DLGAP1: variants seen among roughly 807,000 people sequenced by gnomAD.
The protein encoded by DLGAP1 is DLG associated protein 1.
A neutral mutation model predicts 90.8 loss-of-function variants in DLGAP1; 11 were observed. The observed-to-expected ratio is 0.12, with a 90% CI of 0.08 to 0.20. The LOEUF (loss-of-function observed/expected upper bound fraction) is 0.20. DLGAP1 is among the 10% of genes least tolerant of loss of function. The probability of loss-of-function intolerance (pLI) is 1.00; values close to 1 mark genes in which losing one functional copy is unlikely to be tolerated. For synonymous variants in DLGAP1, 558 were observed against 540.7 expected, an observed-to-expected ratio of 1.03 and a Z score of -0.44; for missense variants, 1,050 against 1,333.8, an observed-to-expected ratio of 0.79 and a Z score of 3.31.
intron 1 of DLGAP1, among the ~76,000 whole-genome samples, chr18:4,203,789 A>G (rs1410546043): frequency 6.6e-6 from 1 of 152,220 alleles, no homozygotes; most frequent in South Asian, 2.1e-4. Flanking sequence ...AAATGCAGAA[A>G]TATACACATC....
At chr18:3,953,610 A>C (rs1002712715) in intron 3 of DLGAP1, among the ~76,000 whole-genome samples, 3 of 152,166 alleles carry the variant, frequency 2.0e-5, no homozygotes, top group Non-Finnish European at 4.4e-5. Context: ...GGTTGATTCC[A>C]TATCTTTGCT....
intron 7 of DLGAP1, among the ~76,000 whole-genome samples, chr18:3,621,443 T>C (rs928058260): frequency 3.3e-5 from 5 of 152,190 alleles, no homozygotes; most frequent in African/African-American, 1.2e-4. Context: ...AAGTTCAGCC[T>C]AAAGGTTTCT....
At position 3,531,080 on chromosome 18, in the gene DLGAP1, C is replaced by T. The variant is rs1374841990; in HGVS notation, c.2479+3114G>A. ...GGGAAAAACTCACTACTCTTTGACA[C>T]CACTAGTTTGGTGCATTTAGTAAAT... On this transcript the variant is annotated intron_variant, in intron 10 of 12. Coordinates refer to ENST00000315677, the MANE Select transcript of DLGAP1 (RefSeq NM_004746.4). Among the ~76,000 whole-genome samples, 3 of 152,068 alleles carry T rather than the reference C, an allele frequency of 2.0e-5. No homozygotes were observed. The East Asian group carries it at 5.8e-4, about 29-fold the overall frequency.
chr18:3,955,757 G>C (rs556490942), intron 3 of DLGAP1, among the ~76,000 whole-genome samples: 2 of 151,138 alleles, frequency 1.3e-5, no homozygotes, highest in African/African-American at 2.4e-5. Context: ...AGATATAAAA[G>C]ACACCCAATT....
intron 1 of DLGAP1, among the ~76,000 whole-genome samples, chr18:4,163,380 C>A (rs16946137): frequency 6.6e-6 from 1 of 152,180 alleles, no homozygotes; most frequent in African/African-American, 2.4e-5. Flanking sequence ...TATATCTGTA[C>A]GCACTACTAT....
intron 2 of DLGAP1, among the ~76,000 whole-genome samples, chr18:4,031,529 G>A (rs1395477679): frequency 1.3e-5 from 2 of 152,134 alleles, no homozygotes; most frequent in Admixed American, 6.5e-5. Context: ...GAGCTGTTAT[G>A]GCCCCTTTAG....
intron 2 of DLGAP1, among the ~76,000 whole-genome samples, chr18:4,128,721 A>C (rs1440465804): frequency 6.6e-6 from 1 of 152,176 alleles, no homozygotes; most frequent in Non-Finnish European, 1.5e-5. Context: ...TTAATACCCC[A>C]GACCTCCAAG....
intron 1 of DLGAP1, among the ~76,000 whole-genome samples, chr18:4,417,648 G>GGACACTT (rs2082929890): frequency 2.4e-4 from 37 of 152,168 alleles, no homozygotes; most frequent in Admixed American, 2.4e-3. Flanking sequence ...TGTCCAGAGT[G>GGACACTT]AAGGGCAATT....
At chr18:4,323,655 A>G (rs1394215839) in intron 1 of DLGAP1, among the ~76,000 whole-genome samples, 1 of 152,174 alleles carries the variant, frequency 6.6e-6, no homozygotes, top group Admixed American at 6.6e-5. Context: ...ACAAAACAAA[A>G]CAAATCATAC....
At chr18:3,771,528 G>C (rs1406519543) in intron 5 of DLGAP1, 1 of 152,276 alleles carries the variant, frequency 6.6e-6, no homozygotes, top group Non-Finnish European at 1.5e-5. Context: ...CGAGGCTGAG[G>C]ACTGCGCAGG....
chr18:3,546,304 C>T (rs944220299), intron 9 of DLGAP1, among the ~76,000 whole-genome samples: 2 of 151,538 alleles, frequency 1.3e-5, no homozygotes, highest in Non-Finnish European at 2.9e-5. Context: ...GTCCCAGCTA[C>T]ACCGGAGACT....
At chr18:4,197,544 T>C (rs2077524162) in intron 1 of DLGAP1, among the ~76,000 whole-genome samples, 1 of 151,996 alleles carries the variant, frequency 6.6e-6, no homozygotes, top group African/African-American at 2.4e-5. Context: ...ACCAGATTGA[T>C]AGGATTTGAC....
At chr18:3,518,108 C>T (rs2050954373) in intron 10 of DLGAP1, among the ~76,000 whole-genome samples, 1 of 152,080 alleles carries the variant, frequency 6.6e-6, no homozygotes, top group Non-Finnish European at 1.5e-5. Context: ...TCATTTATTG[C>T]TTTTGATTAA....
At chr18:4,372,868 C>T (rs1412414515) in intron 1 of DLGAP1, among the ~76,000 whole-genome samples, 2 of 151,868 alleles carry the variant, frequency 1.3e-5, no homozygotes, top group Non-Finnish European at 2.9e-5. Context: ...GCAGAGGTTG[C>T]CGTGAGCCGA....
chr18:4,195,417 T>C (rs1257866664), intron 1 of DLGAP1, among the ~76,000 whole-genome samples: 1 of 152,190 alleles, frequency 6.6e-6, no homozygotes, highest in Non-Finnish European at 1.5e-5. Context: ...TGTTGTCTGG[T>C]TCTAGTCAGC....
chr18:4,338,716 G>A (rs662825), intron 1 of DLGAP1, among the ~76,000 whole-genome samples: 24,661 of 152,132 alleles, frequency 0.16, 2,145 homozygotes, highest in Admixed American at 0.22. Flanking sequence ...TTACAGCAAG[G>A]AGCTGCTTGT....
In DLGAP1 at chr18:3,499,301, C is replaced by T; in HGVS notation, c.2818G>A (p.Glu940Lys). 2.5e-6 allele frequency: 4 copies of T among 1,583,252 alleles called. No individual in the cohort carries two copies. Among genetic ancestry groups the T allele is most frequent in the Non-Finnish European group, 3.4e-6 (4 of 1,165,840 alleles). Residue 940 changes from glutamate (E) to lysine (K), a missense_variant, in exon 13 of 13, where the codon GAG becomes AAG. By Grantham distance (56) the Glu-to-Lys change is moderately conservative. This residue lies in a region of DLGAP1 where 565 missense variants were observed against 879.7 expected (regional missense o/e 0.64). Coordinates refer to ENST00000315677, the MANE Select transcript of DLGAP1 (RefSeq NM_004746.4). This position sits in a 1 kb window ranked among gnomAD's most constrained non-coding sequence, Gnocchi z 6.4. ...GCGGCCATCAGGCGCTTGCGGGCCT[C>T]CTGGCGCTGCGAGCTCTCCAGCGAG... is the stretch of plus-strand genomic sequence containing the variant. ...ERSLESSQRQ[E>K]ARKRLMAAKR...
intron 3 of DLGAP1, among the ~76,000 whole-genome samples, chr18:3,939,179 T>TGGG (rs140999505): frequency 1.5e-5 from 1 of 64,562 alleles, no homozygotes; most frequent in South Asian, 4.5e-4. Flanking sequence ...TCCCAGCACT[T>TGGG]TGGCCAAGGT....
chr18:4,178,906 T>C (rs1521435), intron 1 of DLGAP1, among the ~76,000 whole-genome samples: 62,225 of 152,064 alleles, frequency 0.41, 13,294 homozygotes, highest in East Asian at 0.69. Context: ...TGATTACATA[T>C]ATGATGCTAG....
Sources: allele counts gnomAD v4.1 joint callset (sites outside exome capture counted in the v4.1 genomes callset), GRCh38; gene constraint gnomAD v4.1.1; regional missense constraint gnomAD v4.1.1; non-coding constraint Gnocchi (gnomAD v3.1); transcripts MANE v1.5; gene names NCBI Gene and HGNC (gene_info 2026-07-23, HGNC 2026-07-21).